RASA1: variants seen among roughly 807,000 people sequenced by gnomAD.
RASA1 encodes RAS p21 protein activator 1.
A neutral mutation model predicts 132.2 loss-of-function variants in RASA1; 25 were observed. The observed-to-expected ratio is 0.19, with a 90% CI of 0.14 to 0.26. RASA1 has a LOEUF of 0.26. Ranked by LOEUF, RASA1 falls within the 10% of genes least tolerant of loss-of-function variation. RASA1 has a pLI of 1.00. For synonymous variants in RASA1, 477 were observed against 449.9 expected, an observed-to-expected ratio of 1.06 and a Z score of -0.76; for missense variants, 964 against 1,299.2, an observed-to-expected ratio of 0.74 and a Z score of 3.97.
At chr5:87,334,608 A>C (rs1280319798) in intron 4 of RASA1, among the ~76,000 whole-genome samples, 2 of 152,220 alleles carry the variant, frequency 1.3e-5, no homozygotes, top group Non-Finnish European at 2.9e-5. Flanking sequence ...TGATGGTACA[A>C]AAGCAATGGA....
At chr5:87,319,704 G>A (rs998771554) in intron 1 of RASA1, among the ~76,000 whole-genome samples, 3 of 152,006 alleles carry the variant, frequency 2.0e-5, no homozygotes, top group East Asian at 1.9e-4. Context: ...TACTGGAGGG[G>A]CAGCCATGAA....
At chr5:87,390,751 T>C in intron 24 of RASA1, 49 bp from the exon 25 acceptor site, 1 of 1,500,196 alleles carries the variant, frequency 6.7e-7, no homozygotes. Flanking sequence ...CATCCTGAAA[T>C]TGCTGACCGA....
At chr5:87,283,338 A>T (rs570159586) in intron 1 of RASA1, among the ~76,000 whole-genome samples, 1 of 151,908 alleles carries the variant, frequency 6.6e-6, no homozygotes, top group Admixed American at 6.6e-5. Flanking sequence ...ACACATCAAC[A>T]TTAACATGTT....
rs781489230 is a variant in RASA1, at chr5:87,337,996, A to G, written c.922A>G (p.Ile308Val). ...EISFLKGDMF[I>V]VHNELEDGWM... ...CAGTTTCTTAAAAGGAGATATGTTCATTGTTCATAATGAATTAGAAGATGG... is the reference window on the plus strand; with the variant it reads ...CAGTTTCTTAAAAGGAGATATGTTCGTTGTTCATAATGAATTAGAAGATGG... Residue 308 changes from isoleucine to valine, a missense_variant, in exon 5 of 25, where the codon ATT (isoleucine) becomes GTT (valine). By Grantham distance (29) the Ile-to-Val change is conservative. Coordinates refer to ENST00000274376, the MANE Select transcript of RASA1 (RefSeq NM_002890.3). The G allele has an allele frequency of 1.9e-6, 3 of 1,610,376 alleles. No homozygotes were observed. The highest frequency in any genetic ancestry group is 1.7e-4 in the Middle Eastern group (1 of 6,048).
intron 4 of RASA1, among the ~76,000 whole-genome samples, chr5:87,334,903 A>AG (rs1182723038): frequency 6.6e-6 from 1 of 150,794 alleles, no homozygotes; most frequent in Non-Finnish European, 1.5e-5. Flanking sequence ...TTTTTTTTTG[A>AG]GACAGAATCT....
At position 87,365,393 on chromosome 5, in the gene RASA1, ACTT is replaced by A. The variant is rs3840122; in HGVS notation, c.1610+1890_1610+1892del. Reference sequence around the variant, plus strand: ...TAGTGGCTATACCTCAGTACTTCCTACTTTCTTGTTCAATCATCCAGGTACTCT... The same window carrying A: ...TAGTGGCTATACCTCAGTACTTCCTATCTTGTTCAATCATCCAGGTACTCT... On this transcript the variant is annotated intron_variant, in intron 11 of 24. Coordinates refer to ENST00000274376, the MANE Select transcript of RASA1 (RefSeq NM_002890.3). 2.7e-3 allele frequency among the ~76,000 whole-genome samples: 407 copies of A among 152,238 alleles called. 5 individuals carry two copies. The highest frequency in any genetic ancestry group is 8.7e-3 in the East Asian group (45 of 5,178).
rs551665195 is a variant in RASA1 at position 87,316,238 on chromosome 5, C to T, written c.540-15110C>T. ...TAATAGATGTGCCCTCTAAGATGTT[C>T]TTGCTATGGTACCTGGAAGATAATT... On this transcript the variant is annotated intron_variant, in intron 1 of 24. Coordinates refer to ENST00000274376, the MANE Select transcript of RASA1 (RefSeq NM_002890.3). 2.6e-5 allele frequency among the ~76,000 whole-genome samples: 4 copies of T among 152,268 alleles called. No individual in the cohort carries two copies. The South Asian group carries it at 6.2e-4, about 24-fold the overall frequency.
chr5:87,298,421 A>C, intron 1 of RASA1, among the ~76,000 whole-genome samples: 1 of 151,788 alleles, frequency 6.6e-6, no homozygotes, highest in African/African-American at 2.4e-5. Flanking sequence ...TCAAAAAAAA[A>C]AAAAAAAAGA....
intron 11 of RASA1, among the ~76,000 whole-genome samples, chr5:87,365,281 T>G (rs1008548986): frequency 6.6e-6 from 1 of 152,182 alleles, no homozygotes; most frequent in East Asian, 1.9e-4. Context: ...CTCGAAATCA[T>G]ATGATCCCTG....
At chr5:87,316,648 C>T (rs1756363494) in intron 1 of RASA1, among the ~76,000 whole-genome samples, 2 of 152,138 alleles carry the variant, frequency 1.3e-5, no homozygotes, top group African/African-American at 4.8e-5. Flanking sequence ...CATGGTCCTT[C>T]CTGTATCTGT....
intron 1 of RASA1, among the ~76,000 whole-genome samples, chr5:87,319,842 A>G (rs1258071161): frequency 2.0e-5 from 3 of 152,158 alleles, no homozygotes; most frequent in African/African-American, 7.2e-5. Context: ...TGTCTTTTCT[A>G]TAGCATGGTG....
At chr5:87,339,481 C>G (rs1656685810) in intron 5 of RASA1, among the ~76,000 whole-genome samples, 1 of 152,084 alleles carries the variant, frequency 6.6e-6, no homozygotes, top group Admixed American at 6.6e-5. Context: ...TTGGGTTTCC[C>G]TCTCCTTGCT....
At chr5:87,269,170 C>T (rs1360548875) in intron 1 of RASA1, 180 bp downstream of exon 1, 1 of 1,610,432 alleles carries the variant, frequency 6.2e-7, no homozygotes, top group African/African-American at 1.3e-5. Flanking sequence ...GGCATACTAC[C>T]TGGCGTCTTC....
At chr5:87,349,770 T>C (rs954478493) in intron 8 of RASA1, among the ~76,000 whole-genome samples, 3 of 151,950 alleles carry the variant, frequency 2.0e-5, no homozygotes, top group Non-Finnish European at 4.4e-5. Context: ...GATGTTATCA[T>C]GTAACTGAGT....
intron 4 of RASA1, 145 bp downstream of exon 4, chr5:87,333,482 CTGTA>C: frequency 7.6e-7 from 1 of 1,311,834 alleles, no homozygotes; most frequent in Non-Finnish European, 1.0e-6. Context: ...TCTGTTGGTC[CTGTA>C]TCTCTGGGTT....
At chr5:87,269,828 C>T (rs1369795389) in intron 1 of RASA1, among the ~76,000 whole-genome samples, 2 of 152,162 alleles carry the variant, frequency 1.3e-5, no homozygotes, top group Non-Finnish European at 2.9e-5. Flanking sequence ...CCTCACTTGT[C>T]TTAATTGAAC....
chr5:87,287,856 C>A (rs1442702255), intron 1 of RASA1, among the ~76,000 whole-genome samples: 1 of 117,898 alleles, frequency 8.5e-6, no homozygotes, highest in African/African-American at 3.3e-5. Context: ...TATACACACA[C>A]CATATATATA....
Position 87,350,240 on chromosome 5 carries a change from T to A in RASA1, c.1253+876T>A, listed in dbSNP as rs556571449. 2.6e-5 allele frequency among the ~76,000 whole-genome samples: 4 copies of A among 152,010 alleles called. No homozygotes were observed. In the South Asian group the frequency reaches 8.3e-4, roughly 31 times the overall value. On this transcript the variant is annotated intron_variant, in intron 8 of 24. Transcript: ENST00000274376. ...CTGTTAAAAGACATCAAATGTAAGATGTGAGTCTAGGCAGCTGTACCCTTT... is the reference window on the plus strand; with the variant it reads ...CTGTTAAAAGACATCAAATGTAAGAAGTGAGTCTAGGCAGCTGTACCCTTT...
At chr5:87,381,128 G>C (rs1761685983) in intron 20 of RASA1, among the ~76,000 whole-genome samples, 1 of 152,078 alleles carries the variant, frequency 6.6e-6, no homozygotes, top group Admixed American at 6.6e-5. Context: ...TTATTCTATA[G>C]GAAGAACTGC....
Sources: allele counts gnomAD v4.1 joint callset (sites outside exome capture counted in the v4.1 genomes callset), GRCh38; gene constraint gnomAD v4.1.1; transcripts MANE v1.5; gene names NCBI Gene and HGNC (gene_info 2026-07-23, HGNC 2026-07-21).